SIK3: variants seen among roughly 807,000 people sequenced by gnomAD.
SIK3 encodes SIK family kinase 3.
SIK3 carries 28 observed loss-of-function variants against 144.2 expected under a neutral mutation model. The ratio of observed to expected loss-of-function variants is 0.19; its 90% CI spans 0.14 to 0.27. SIK3 has a LOEUF of 0.27. SIK3 is among the 10% of genes least tolerant of loss of function. The probability of loss-of-function intolerance (pLI) is 1.00; values close to 1 mark genes in which losing one functional copy is unlikely to be tolerated. For synonymous variants in SIK3, 686 were observed against 676.3 expected, an observed-to-expected ratio of 1.01 and a Z score of -0.22; for missense variants, 1,319 against 1,776.0, an observed-to-expected ratio of 0.74 and a Z score of 4.62.
chr11:116,942,009 A>G (rs1433118121), intron 3 of SIK3, among the ~76,000 whole-genome samples: 2 of 152,212 alleles, frequency 1.3e-5, no homozygotes, highest in Non-Finnish European at 1.5e-5. Flanking sequence ...AAGTCAATTG[A>G]ATGAGTAGTA....
In SIK3 at chr11:116,927,306, A is replaced by G. The variant is rs770494619; in HGVS notation, c.529T>C (p.Tyr177His). The G allele has an allele frequency of 6.2e-7, 1 of 1,614,122 alleles. No homozygotes were observed. The highest frequency in any genetic ancestry group is 1.7e-5 in the Admixed American group (1 of 60,032). The change falls in exon 4 of 25, where the codon TAT (tyrosine) becomes CAT (histidine). Residue 177 changes from tyrosine (Y) to histidine (H), a missense_variant. This residue lies in a region of SIK3 where 125 missense variants were observed against 285.2 expected (regional missense o/e 0.44). Coordinates refer to ENST00000445177, the MANE Select transcript of SIK3 (RefSeq NM_001366686.3). ...ACAATGTTCCGACAGTGACAAAAAT[A>G]GACAGCTGTGACGATCTGTTTGAAC... is the stretch of plus-strand genomic sequence containing the variant. ...RKFKQIVTAVYFCHCRNIVHR... is the reference protein window; with the variant it reads ...RKFKQIVTAVHFCHCRNIVHR...
chr11:116,913,839 G>A (rs1946467290), intron 4 of SIK3, among the ~76,000 whole-genome samples: 1 of 152,036 alleles, frequency 6.6e-6, no homozygotes, highest in Non-Finnish European at 1.5e-5. Flanking sequence ...GCAGTGGGCA[G>A]AGATCGGGCC....
chr11:116,947,937 CTT>C (rs548891642), intron 3 of SIK3, among the ~76,000 whole-genome samples: 19 of 133,730 alleles, frequency 1.4e-4, no homozygotes, highest in Non-Finnish European at 1.6e-4. Flanking sequence ...TCTAAGCTGA[CTT>C]TTTTTTTTTT....
At chr11:116,851,870 T>C (rs985504805) in intron 21 of SIK3, among the ~76,000 whole-genome samples, 1 of 152,214 alleles carries the variant, frequency 6.6e-6, no homozygotes, top group African/African-American at 2.4e-5. Flanking sequence ...GAAATGGTGA[T>C]TCTGTCTGCT....
chr11:117,077,917 T>C (rs542797177), intron 1 of SIK3, among the ~76,000 whole-genome samples: 2 of 152,362 alleles, frequency 1.3e-5, no homozygotes, highest in South Asian at 4.1e-4. Context: ...TTTTTCTAGC[T>C]TAATAATTCT....
intron 1 of SIK3, among the ~76,000 whole-genome samples, chr11:116,960,234 T>G (rs1370617927): frequency 6.6e-6 from 1 of 152,110 alleles, no homozygotes; most frequent in African/African-American, 2.4e-5. Flanking sequence ...CATTGAAAAG[T>G]GAAGCTTTGG....
intron 6 of SIK3, among the ~76,000 whole-genome samples, chr11:116,883,191 T>C (rs921313898): frequency 6.6e-6 from 1 of 152,212 alleles, no homozygotes; most frequent in African/African-American, 2.4e-5. Context: ...TAAGAGTCTA[T>C]CCCTGTATTT....
chr11:117,003,697 C>T (rs554463120), intron 1 of SIK3, among the ~76,000 whole-genome samples: 34 of 152,190 alleles, frequency 2.2e-4, no homozygotes, highest in Non-Finnish European at 3.5e-4. Context: ...CATAAGCATA[C>T]GTTGTTGTTA....
At chr11:116,977,549 G>A (rs769202468) in intron 1 of SIK3, among the ~76,000 whole-genome samples, 3 of 152,120 alleles carry the variant, frequency 2.0e-5, no homozygotes, top group Non-Finnish European at 2.9e-5. Context: ...TAATTATTGG[G>A]TTTCACATTC....
At chr11:117,030,046 C>T (rs1443524726) in intron 1 of SIK3, among the ~76,000 whole-genome samples, 1 of 151,812 alleles carries the variant, frequency 6.6e-6, no homozygotes, top group East Asian at 1.9e-4. Flanking sequence ...AAGCTGAGAA[C>T]AGAGTTGTAG....
chr11:116,969,633 CT>C (rs1314492400), intron 1 of SIK3, among the ~76,000 whole-genome samples: 1 of 152,060 alleles, frequency 6.6e-6, no homozygotes, highest in Non-Finnish European at 1.5e-5. Flanking sequence ...ATCAAATGTA[CT>C]TTTCTGGGTA....
chr11:116,989,365 A>G (rs1183360443), intron 1 of SIK3, among the ~76,000 whole-genome samples: 1 of 152,208 alleles, frequency 6.6e-6, no homozygotes, highest in African/African-American at 2.4e-5. Flanking sequence ...AGCTCACCAT[A>G]CACTTATTTA....
At chr11:116,853,779 T>C (rs1172731910) in intron 21 of SIK3, among the ~76,000 whole-genome samples, 2 of 151,670 alleles carry the variant, frequency 1.3e-5, no homozygotes, top group African/African-American at 2.4e-5. Flanking sequence ...ATGGTGTAGA[T>C]TGGTTATGCT....
chr11:116,889,337 G>A (rs1015662444), intron 6 of SIK3, among the ~76,000 whole-genome samples: 1 of 152,214 alleles, frequency 6.6e-6, no homozygotes, highest in East Asian at 1.9e-4. Context: ...GCCAAGGTGG[G>A]AGGATTGCTT....
chr11:117,087,612 A>G (rs1955073200), intron 1 of SIK3, among the ~76,000 whole-genome samples: 1 of 152,174 alleles, frequency 6.6e-6, no homozygotes, highest in Non-Finnish European at 1.5e-5. Flanking sequence ...CCAAGCCAAC[A>G]AAGGCAGATG....
At chr11:116,902,846 C>G (rs1179090064) in intron 4 of SIK3, among the ~76,000 whole-genome samples, 1 of 152,182 alleles carries the variant, frequency 6.6e-6, no homozygotes, top group African/African-American at 2.4e-5. Context: ...ATTACTGAGC[C>G]TGCGGTATCC....
At chr11:116,982,140 G>A (rs7127496) in intron 1 of SIK3, among the ~76,000 whole-genome samples, 6,997 of 152,102 alleles carry the variant, frequency 0.046, 543 homozygotes, top group African/African-American at 0.16. Context: ...GCACCCTCCA[G>A]GGTCCCAGTT....
At chr11:116,866,203 C>T (rs548539083) in intron 15 of SIK3, among the ~76,000 whole-genome samples, 50 of 152,234 alleles carry the variant, frequency 3.3e-4, no homozygotes, top group African/African-American at 1.1e-3. Context: ...CATAAGAAGA[C>T]CTCCTGAGGA....
intron 1 of SIK3, among the ~76,000 whole-genome samples, chr11:116,971,781 T>C (rs1449309700): frequency 6.6e-6 from 1 of 152,094 alleles, no homozygotes; most frequent in African/African-American, 2.4e-5. Flanking sequence ...ACATCTTTAC[T>C]GCACTTGAAA....
Sources: gnomAD v4.1 joint callset for allele counts (sites outside exome capture counted in the v4.1 genomes callset) on GRCh38, gnomAD v4.1.1 for gene constraint, gnomAD v4.1.1 regional missense constraint, MANE v1.5 for transcripts, NCBI Gene and HGNC (gene_info 2026-07-23, HGNC 2026-07-21) for gene names.